EVI5: variants seen among roughly 807,000 people sequenced by gnomAD.
EVI5 encodes ecotropic viral integration site 5 protein homolog.
A neutral mutation model predicts 112.0 loss-of-function variants in EVI5; 73 were observed. The ratio of observed to expected loss-of-function variants is 0.65; its 90% CI spans 0.54 to 0.79. The LOEUF is 0.79. Among genes scored for constraint, EVI5 ranks in the 30% least tolerant of loss-of-function variants. The pLI is 0.00. For missense variants in EVI5, 900 were observed against 968.8 expected (o/e 0.93, Z 0.94); for synonymous variants, 305 against 319.9 (o/e 0.95, Z 0.50).
chr1:92,605,205 A>G, intron 18 of EVI5, 102 bp downstream of exon 18: 1 of 821,430 alleles, frequency 1.2e-6, no homozygotes, highest in Non-Finnish European at 2.0e-6. Context: ...GATTACTGAA[A>G]AAAGAATCAC....
upstream of EVI5, among the ~76,000 whole-genome samples, chr1:92,785,457 TG>T (rs1685532662): frequency 1.3e-5 from 2 of 152,318 alleles, no homozygotes; most frequent in East Asian, 3.9e-4. Context: ...TGGCACGCGG[TG>T]CTGACGCGCA....
chr1:92,687,629 G>A (rs963358781), intron 9 of EVI5, among the ~76,000 whole-genome samples: 13 of 152,138 alleles, frequency 8.5e-5, no homozygotes, highest in African/African-American at 3.1e-4. Flanking sequence ...GAAAATCTTT[G>A]CAATCTACCC....
intron 14 of EVI5, among the ~76,000 whole-genome samples, chr1:92,631,910 A>C (rs1053508320): frequency 5.3e-5 from 8 of 152,142 alleles, no homozygotes; most frequent in African/African-American, 7.2e-5. Context: ...AATTTTGTCA[A>C]AGGCCTTTTC....
At chr1:92,667,832 G>C (rs1572196749) in intron 10 of EVI5, among the ~76,000 whole-genome samples, 1 of 152,234 alleles carries the variant, frequency 6.6e-6, no homozygotes, top group Non-Finnish European at 1.5e-5. Flanking sequence ...AGCCAGGATG[G>C]TCTTGATCTC....
At chr1:92,647,588 AGAAGGAATAAGCAGACACCTTTCCCTCT>A (rs1661213519) in intron 13 of EVI5, 4 of 527,710 alleles carry the variant, frequency 7.6e-6, no homozygotes, top group Non-Finnish European at 1.4e-5. Context: ...GTCTGCACAA[AGAAGGAATAAGCAGACACCTTTCCCTCT>A]GGTTTCTTGG....
chr1:92,614,979 C>T (rs1482262924), intron 16 of EVI5, among the ~76,000 whole-genome samples: 1 of 151,066 alleles, frequency 6.6e-6, no homozygotes, highest in Non-Finnish European at 1.5e-5. Context: ...TCTAGAGGAA[C>T]AGAATATTAA....
chr1:92,618,083 A>G (rs1653633259), intron 16 of EVI5, among the ~76,000 whole-genome samples: 1 of 152,204 alleles, frequency 6.6e-6, no homozygotes, highest in South Asian at 2.1e-4. Context: ...CAACTAGGTG[A>G]CAATACTTTG....
intron 19 of EVI5, among the ~76,000 whole-genome samples, chr1:92,558,048 T>C (rs1667954932): frequency 6.6e-6 from 1 of 152,194 alleles, no homozygotes; most frequent in Admixed American, 6.5e-5. Flanking sequence ...AAAAAATCTG[T>C]CTTAATAAGT....
intron 19 of EVI5, among the ~76,000 whole-genome samples, chr1:92,561,595 CTATCTAATCTATCCTATCTAT>C (rs1668574108): frequency 3.4e-5 from 5 of 148,866 alleles, no homozygotes; most frequent in Non-Finnish European, 7.4e-5. Flanking sequence ...ATCTATCTAT[CTATCTAATCTATCCTATCTAT>C]CTATCTATCT....
intron 14 of EVI5, among the ~76,000 whole-genome samples, chr1:92,631,731 G>C (rs1036721002): frequency 1.2e-4 from 19 of 152,260 alleles, no homozygotes; most frequent in African/African-American, 4.6e-4. Flanking sequence ...AATAGCAGTG[G>C]TGAGAGAGGG....
chr1:92,684,869 C>T (rs112618970), intron 9 of EVI5, among the ~76,000 whole-genome samples: 12,998 of 151,856 alleles, frequency 0.086, 1,555 homozygotes, highest in African/African-American at 0.27. Context: ...CCTAAATATA[C>T]ATGCACCCAA....
intron 1 of EVI5, among the ~76,000 whole-genome samples, chr1:92,742,430 C>T (rs756535310): frequency 3.3e-5 from 5 of 151,516 alleles, no homozygotes; most frequent in African/African-American, 9.7e-5. Flanking sequence ...CCCAGCACTT[C>T]GGGAGGCTGA....
At chr1:92,550,230 A>T (rs553042925) in intron 19 of EVI5, among the ~76,000 whole-genome samples, 170 of 151,730 alleles carry the variant, frequency 1.1e-3, no homozygotes, top group Non-Finnish European at 1.2e-3. Flanking sequence ...CATCATTCTG[A>T]GCAAATTATT....
intron 10 of EVI5, among the ~76,000 whole-genome samples, chr1:92,673,753 T>A (rs1666252901): frequency 1.3e-5 from 2 of 152,220 alleles, no homozygotes; most frequent in South Asian, 4.1e-4. Flanking sequence ...TTTAAGATTT[T>A]CCATATGAAG....
intron 18 of EVI5, among the ~76,000 whole-genome samples, chr1:92,593,539 T>C (rs1249679309): frequency 6.6e-6 from 1 of 152,204 alleles, no homozygotes; most frequent in Non-Finnish European, 1.5e-5. Flanking sequence ...TCACCACTCC[T>C]ATTCAACATA....
intron 18 of EVI5, 46 bp downstream of exon 18, chr1:92,605,261 G>A (rs761046827): frequency 1.0e-5 from 13 of 1,248,028 alleles, no homozygotes; most frequent in Non-Finnish European, 1.3e-5. Flanking sequence ...AAAGAGGATA[G>A]AAGAAACTAT....
intron 5 of EVI5, among the ~76,000 whole-genome samples, chr1:92,698,379 T>C (rs745683654): frequency 3.3e-5 from 5 of 152,136 alleles, no homozygotes; most frequent in Non-Finnish European, 7.3e-5. Context: ...CTAATATATA[T>C]GTCAGATGGT....
At chr1:92,712,799 C>T (rs1326192810) in intron 2 of EVI5, among the ~76,000 whole-genome samples, 3 of 151,756 alleles carry the variant, frequency 2.0e-5, no homozygotes, top group South Asian at 2.1e-4. Flanking sequence ...TGAGGTAATG[C>T]TATGGTGGTA....
rs201458989 is a variant in EVI5, at chr1:92,772,552, AC to A, written c.-82+12283del. Among the ~76,000 whole-genome samples the A allele has an allele frequency of 5.7e-3, 869 of 152,222 alleles. 6 individuals carry two copies. The highest frequency in any genetic ancestry group is 0.02 in the African/African-American group (840 of 41,530). On this transcript the variant is annotated intron_variant, in intron 1 of 19. Transcript: ENST00000684568. ...TTCCCTACAACTCAGTAATTCCACCACTATTCATTTATCCAAAATAAATGAA... is the reference window on the plus strand; with the variant it reads ...TTCCCTACAACTCAGTAATTCCACCATATTCATTTATCCAAAATAAATGAA...
Sources: gnomAD v4.1 joint callset for allele counts (sites outside exome capture counted in the v4.1 genomes callset) on GRCh38, gnomAD v4.1.1 for gene constraint, MANE v1.5 for transcripts, NCBI Gene and HGNC (gene_info 2026-07-23, HGNC 2026-07-21) for gene names.